Variants in ROCK1 observed in about 807,000 individuals in gnomAD.
ROCK1 encodes the protein Rho associated coiled-coil containing protein kinase 1, also known as rho-associated protein kinase 1.
Under a neutral mutation model 196.8 loss-of-function variants are expected in ROCK1, and 36 were observed. The observed-to-expected ratio is 0.18, with a 90% CI of 0.14 to 0.24. The LOEUF is 0.24. Among genes scored for constraint, ROCK1 ranks in the 10% least tolerant of loss-of-function variants. The pLI, the probability that ROCK1 is intolerant of heterozygous loss-of-function variation, is 1.00. For missense variants in ROCK1, 920 were observed against 1,562.0 expected (o/e 0.59, Z 6.93); for synonymous variants, 443 against 515.9 (o/e 0.86, Z 1.91).
chr18:21,014,022 C>T (rs1477457653), intron 13 of ROCK1, among the ~76,000 whole-genome samples: 9 of 147,900 alleles, frequency 6.1e-5, no homozygotes, highest in Middle Eastern at 3.2e-3. Context: ...GCAGAGATCG[C>T]GCCACTGCAC....
In ROCK1 at chr18:20,979,991, G is replaced by C; in HGVS notation, c.2573C>G (p.Thr858Ser). The C allele has an allele frequency of 6.5e-7, 1 of 1,548,922 alleles. No homozygotes were observed. ...TTCTTCTTTAAGTTCCTTTACCTGG[G>C]TTTTATAAAGTGTCTGCAAAACAAG... ...AEQYFSTLYKTQVKELKEEIE... is the reference protein window; with the variant it reads ...AEQYFSTLYKSQVKELKEEIE... The change falls in exon 22 of 33, where the codon ACC becomes AGC. Residue 858 changes from threonine (T) to serine (S), a missense_variant. Coordinates refer to ENST00000399799, the MANE Select transcript of ROCK1 (RefSeq NM_005406.3).
At chr18:21,023,707 AAAG>A in intron 10 of ROCK1, 27 bp from the exon 11 acceptor site, 1 of 1,350,446 alleles carries the variant, frequency 7.4e-7, no homozygotes, top group East Asian at 2.4e-5. Context: ...TTTAAAAAGA[AAAG>A]AAAACAAAAA....
At chr18:21,034,419 T>C (rs1473747928) in intron 9 of ROCK1, among the ~76,000 whole-genome samples, 1 of 152,154 alleles carries the variant, frequency 6.6e-6, no homozygotes, top group East Asian at 1.9e-4. Context: ...ACCATAATCA[T>C]ACAGTGTGGT....
chr18:20,980,468 T>A (rs1436558584), intron 21 of ROCK1, among the ~76,000 whole-genome samples: 1 of 151,608 alleles, frequency 6.6e-6, no homozygotes. Context: ...TGTATAGAGG[T>A]GGGTGGGGAA....
chr18:21,061,770 C>T (rs1273565072), intron 2 of ROCK1, among the ~76,000 whole-genome samples: 1 of 151,986 alleles, frequency 6.6e-6, no homozygotes, highest in Admixed American at 6.6e-5. Flanking sequence ...GAAACTAAGG[C>T]TAAAGACAAA....
intron 27 of ROCK1, 69 bp from the exon 28 acceptor site, chr18:20,960,275 T>C: frequency 3.3e-6 from 3 of 920,996 alleles, no homozygotes; most frequent in Admixed American, 1.8e-5. Context: ...TTAAAAGTTG[T>C]CTGACAGCAT....
At chr18:21,024,237 G>A (rs959997982) in intron 10 of ROCK1, among the ~76,000 whole-genome samples, 7 of 152,172 alleles carry the variant, frequency 4.6e-5, no homozygotes, top group Admixed American at 4.6e-4. Context: ...TTTAGGTGAT[G>A]CTGCTAATCT....
At chr18:21,076,861 A>G (rs945720359) in intron 1 of ROCK1, among the ~76,000 whole-genome samples, 1 of 152,196 alleles carries the variant, frequency 6.6e-6, no homozygotes, top group Non-Finnish European at 1.5e-5. Flanking sequence ...AGCAAAAAAC[A>G]AGCAAATATC....
chr18:21,088,323 C>T (rs1045195062), intron 1 of ROCK1, among the ~76,000 whole-genome samples: 1 of 152,040 alleles, frequency 6.6e-6, no homozygotes, highest in Non-Finnish European at 1.5e-5. Context: ...AGAAAGACCT[C>T]GTCTCTACAA....
At chr18:20,954,271 G>T (rs1436449531) in intron 31 of ROCK1, among the ~76,000 whole-genome samples, 1 of 142,436 alleles carries the variant, frequency 7.0e-6, no homozygotes, top group Non-Finnish European at 1.5e-5. Flanking sequence ...ACAAGGGGGT[G>T]ATTCTCTTTA....
chr18:20,959,996 A>G (rs1474105000), intron 28 of ROCK1, 68 bp from the exon 29 acceptor site: 34 of 1,095,290 alleles, frequency 3.1e-5, no homozygotes, highest in Non-Finnish European at 4.4e-5. Flanking sequence ...GATAAGCATA[A>G]TATTTGCCAC....
rs146248146 is a variant in ROCK1, at chr18:21,079,490, G to A, written c.94-8877C>T. 6.6e-4 allele frequency among the ~76,000 whole-genome samples: 100 copies of A among 152,260 alleles called. No individual in the cohort carries two copies. In the Middle Eastern group the frequency reaches 0.014, roughly 21 times the overall value. ...CTAAGTCTCCCTTTGTTTGCTTAACGTCCTGCAATGAGAAGGGAACTTGAA... is the reference window on the plus strand; with the variant it reads ...CTAAGTCTCCCTTTGTTTGCTTAACATCCTGCAATGAGAAGGGAACTTGAA... On this transcript the variant is annotated intron_variant, in intron 1 of 32. Transcript: ENST00000399799.
At chr18:21,098,635 C>CA (rs56405711) in intron 1 of ROCK1, among the ~76,000 whole-genome samples, 17,849 of 140,816 alleles carry the variant, frequency 0.13, 1,963 homozygotes, top group African/African-American at 0.28. Flanking sequence ...TGAAAAATTG[C>CA]AAAAAAAAAA....
At chr18:21,022,260 A>G (rs1187860137) in intron 11 of ROCK1, among the ~76,000 whole-genome samples, 2 of 152,120 alleles carry the variant, frequency 1.3e-5, no homozygotes, top group Non-Finnish European at 2.9e-5. Context: ...TGTTAACCCA[A>G]AAGGACCTTC....
chr18:21,111,359 G>A lies in ROCK1; in HGVS notation c.-449C>T. 2 of 432,368 alleles carry A rather than the reference G, an allele frequency of 4.6e-6. No individual in the cohort carries two copies. Among genetic ancestry groups the A allele is most frequent in the Non-Finnish European group, 8.1e-6 (2 of 246,390 alleles). The allele number at this position is 432,368 out of a possible 1,614,324, so 26.8% of individuals were successfully genotyped here. A position where few individuals can be genotyped will look rare whatever the true frequency, so the allele number is the denominator to read the frequency against. On this transcript the variant is annotated 5_prime_UTR_variant, in exon 1 of 33. Transcript: ENST00000399799. This position sits in a 1 kb window ranked among gnomAD's most constrained non-coding sequence, Gnocchi z 4.2. ...AAAGGCGAAAGCAAAGGGCGGGTGAGGAGCTGTGCCAGCTGCGGCCGCCGC... is the reference window on the plus strand; with the variant it reads ...AAAGGCGAAAGCAAAGGGCGGGTGAAGAGCTGTGCCAGCTGCGGCCGCCGC...
intron 32 of ROCK1, among the ~76,000 whole-genome samples, chr18:20,952,383 A>AAATGAATGAATGAATGAATGAATG (rs4007700): frequency 2.0e-5 from 3 of 147,466 alleles, no homozygotes; most frequent in African/African-American, 7.5e-5. Flanking sequence ...CTCTGTCTCA[A>AAATGAATGAATGAATGAATGAATG]AATGAATGAA....
intron 22 of ROCK1, among the ~76,000 whole-genome samples, chr18:20,972,984 A>ATT (rs1212084129): frequency 5.9e-5 from 9 of 152,124 alleles, no homozygotes; most frequent in Non-Finnish European, 1.2e-4. Context: ...GGTTGAAGCA[A>ATT]TTCCCCTGCC....
chr18:21,083,950 C>T (rs565056451), intron 1 of ROCK1, among the ~76,000 whole-genome samples: 10 of 151,862 alleles, frequency 6.6e-5, no homozygotes, highest in South Asian at 2.1e-4. Context: ...AATGGAATGG[C>T]GGGGGGAAAA....
At chr18:21,088,922 G>A (rs150388050) in intron 1 of ROCK1, among the ~76,000 whole-genome samples, 246 of 152,122 alleles carry the variant, frequency 1.6e-3, no homozygotes, top group African/African-American at 5.6e-3. Flanking sequence ...CCAGAACTAT[G>A]AGAAAACAAA....
Sources: gnomAD v4.1 joint callset for allele counts (sites outside exome capture counted in the v4.1 genomes callset) on GRCh38, gnomAD v4.1.1 for gene constraint, Gnocchi (gnomAD v3.1) non-coding constraint, MANE v1.5 for transcripts, NCBI Gene and HGNC (gene_info 2026-07-23, HGNC 2026-07-21) for gene names.